The following TNNI3K variants were observed in gnomAD, a reference collection of about 807,000 sequenced individuals.
The protein encoded by TNNI3K is TNNI3 interacting kinase.
TNNI3K carries 140 observed loss-of-function variants against 114.5 expected under a neutral mutation model. That is an observed-to-expected ratio of 1.22 (90% CI 1.07 to 1.41). TNNI3K has a LOEUF of 1.41. Among genes scored for constraint, TNNI3K ranks in the 40% most tolerant of loss-of-function variants. The probability of loss-of-function intolerance (pLI) is 0.00; values close to 1 mark genes in which losing one functional copy is unlikely to be tolerated. For missense variants in TNNI3K, 1,125 were observed against 1,007.6 expected (o/e 1.12, Z -1.58); for synonymous variants, 347 against 347.5 (o/e 1.00, Z 0.02).
intron 11 of TNNI3K, among the ~76,000 whole-genome samples, chr1:74,354,501 G>C (rs537057320): frequency 5.2e-4 from 79 of 151,640 alleles, no homozygotes; most frequent in African/African-American, 1.6e-3. Context: ...GAAGTACAAG[G>C]GGGGGGGAAA....
chr1:74,249,415 C>T (rs184960696), intron 2 of TNNI3K, 44 bp from the exon 3 acceptor site: 1 of 1,560,020 alleles, frequency 6.4e-7, no homozygotes, highest in Non-Finnish European at 8.7e-7. Flanking sequence ...AGACAATATG[C>T]TAAAAGATGA....
chr1:74,432,890 A>G (rs1665961678), intron 17 of TNNI3K, among the ~76,000 whole-genome samples: 2 of 151,852 alleles, frequency 1.3e-5, no homozygotes, highest in African/African-American at 2.4e-5. Flanking sequence ...TCCTGGCTCT[A>G]CCTCTTCCCA....
chr1:74,521,596 T>C (rs1263041378), intron 23 of TNNI3K, among the ~76,000 whole-genome samples: 1 of 152,134 alleles, frequency 6.6e-6, no homozygotes, highest in Non-Finnish European at 1.5e-5. Flanking sequence ...TTTTTCTGCG[T>C]TCCTTTATTT....
chr1:74,504,566 AG>A (rs747344054), intron 23 of TNNI3K, among the ~76,000 whole-genome samples: 47 of 152,300 alleles, frequency 3.1e-4, no homozygotes, highest in Non-Finnish European at 3.1e-4. Flanking sequence ...TCAAAAGAGG[AG>A]GTGATGAAAA....
chr1:74,531,008 T>G (rs574007171), intron 23 of TNNI3K, among the ~76,000 whole-genome samples: 2 of 152,356 alleles, frequency 1.3e-5, no homozygotes, highest in East Asian at 3.9e-4. Context: ...CTTTGCCTAA[T>G]TGCTTTTTCC....
At chr1:74,538,297 G>A (rs1009211163) in intron 23 of TNNI3K, among the ~76,000 whole-genome samples, 1 of 152,124 alleles carries the variant, frequency 6.6e-6, no homozygotes, top group South Asian at 2.1e-4. Context: ...GGGAATTGCA[G>A]GGGAATGCTG....
chr1:74,359,029 A>G (rs993151305), intron 11 of TNNI3K, among the ~76,000 whole-genome samples: 8 of 152,004 alleles, frequency 5.3e-5, no homozygotes, highest in African/African-American at 1.7e-4. Flanking sequence ...GCTAAGTCAC[A>G]CTTGCCCAAT....
At chr1:74,348,705 G>T (rs1661159582) in intron 9 of TNNI3K, among the ~76,000 whole-genome samples, 1 of 152,044 alleles carries the variant, frequency 6.6e-6, no homozygotes, top group Non-Finnish European at 1.5e-5. Flanking sequence ...CCTTGAAGAG[G>T]TCCTTCACAT....
chr1:74,380,685 C>T (rs1663156767), intron 17 of TNNI3K, among the ~76,000 whole-genome samples: 1 of 152,126 alleles, frequency 6.6e-6, no homozygotes, highest in Non-Finnish European at 1.5e-5. Context: ...AAAAGCTTTT[C>T]TCTGTTTGGC....
chr1:74,495,225 T>C (rs1169462530), intron 23 of TNNI3K, among the ~76,000 whole-genome samples: 2 of 152,250 alleles, frequency 1.3e-5, no homozygotes, highest in African/African-American at 4.8e-5. Context: ...GCTGTGAGCG[T>C]GCATTCAAGG....
intron 5 of TNNI3K, among the ~76,000 whole-genome samples, chr1:74,320,131 A>G (rs1457287023): frequency 1.3e-5 from 2 of 152,168 alleles, no homozygotes; most frequent in Non-Finnish European, 2.9e-5. Flanking sequence ...GTAGGCTTCT[A>G]TTATTTAGCC....
intron 6 of TNNI3K, among the ~76,000 whole-genome samples, chr1:74,335,764 G>A (rs1318344774): frequency 1.3e-5 from 2 of 152,176 alleles, no homozygotes; most frequent in African/African-American, 2.4e-5. Context: ...AGATGCTGCA[G>A]CTCTCTTACT....
At chr1:74,489,287 C>A in intron 22 of TNNI3K, 39 bp downstream of exon 22, 4 of 1,589,558 alleles carry the variant, frequency 2.5e-6, no homozygotes, top group South Asian at 1.2e-5. Context: ...CATAAAAAAG[C>A]CCTGCATATC....
intron 5 of TNNI3K, among the ~76,000 whole-genome samples, chr1:74,276,316 G>A (rs1442441552): frequency 6.6e-6 from 1 of 152,054 alleles, no homozygotes; most frequent in Non-Finnish European, 1.5e-5. Flanking sequence ...TGTATATTGG[G>A]CATAATGGAT....
intron 17 of TNNI3K, among the ~76,000 whole-genome samples, chr1:74,399,080 C>A (rs1484096892): frequency 6.7e-6 from 1 of 148,950 alleles, no homozygotes; most frequent in Non-Finnish European, 1.5e-5. Context: ...CGCTTGAACC[C>A]GGGAGGTGGA....
chr1:74,238,386 A>C (rs554020451), intron 2 of TNNI3K, among the ~76,000 whole-genome samples: 137 of 152,176 alleles, frequency 9.0e-4, no homozygotes, highest in African/African-American at 3.2e-3. Flanking sequence ...TAAATTAAAT[A>C]CTAAGTACAG....
At chr1:74,347,949 C>A (rs1448025469) in intron 9 of TNNI3K, among the ~76,000 whole-genome samples, 1 of 152,088 alleles carries the variant, frequency 6.6e-6, no homozygotes, top group Non-Finnish European at 1.5e-5. Context: ...CTATAGGTTG[C>A]CTGTTCACTC....
In TNNI3K at chr1:74,522,775, T is replaced by G. The variant is rs1027155697; in HGVS notation, c.2352-17459T>G. ...AAATCTGGATTAAAACTGGTGTATT[T>G]CTTAGGTTGAAAATCTGTAGTCTTT... On this transcript the variant is annotated intron_variant, in intron 23 of 24. Transcript: ENST00000326637. Among the ~76,000 whole-genome samples the G allele has an allele frequency of 9.9e-5, 15 of 152,278 alleles. No homozygotes were observed. The East Asian group carries it at 2.7e-3, about 27-fold the overall frequency.
chr1:74,504,629 T>C (rs1237786192), intron 23 of TNNI3K, among the ~76,000 whole-genome samples: 2 of 151,926 alleles, frequency 1.3e-5, no homozygotes, highest in Non-Finnish European at 1.5e-5. Context: ...TGTGTAAAAT[T>C]GACACCTTTA....
Sources: allele counts gnomAD v4.1 joint callset (sites outside exome capture counted in the v4.1 genomes callset), GRCh38; gene constraint gnomAD v4.1.1; transcripts MANE v1.5; gene names NCBI Gene and HGNC (gene_info 2026-07-23, HGNC 2026-07-21).